CPEB3: variants seen among roughly 807,000 people sequenced by gnomAD.
The protein encoded by CPEB3 is cytoplasmic polyadenylation element-binding protein 3.
A neutral mutation model predicts 67.2 loss-of-function variants in CPEB3; 20 were observed. That is an observed-to-expected ratio of 0.30 (90% confidence interval 0.21 to 0.43). The LOEUF (loss-of-function observed/expected upper bound fraction) is 0.43, where lower values mean the gene tolerates loss of function less well. Ranked by LOEUF, CPEB3 falls within the 20% of genes least tolerant of loss-of-function variation. The probability of loss-of-function intolerance (pLI) is 1.00; values close to 1 mark genes in which losing one functional copy is unlikely to be tolerated. For missense variants in CPEB3, 746 were observed against 968.6 expected (o/e 0.77, Z 3.05); for synonymous variants, 376 against 393.1 (o/e 0.96, Z 0.51).
chr10:92,240,289 C>T lies in CPEB3; in HGVS notation c.62G>A (p.Arg21Gln), dbSNP rs552534752. 1.3e-6 allele frequency: 2 copies of T among 1,514,886 alleles called. No individual in the cohort carries two copies. 93.8% of individuals were successfully genotyped at this position (1,514,886 alleles called of 1,614,324 possible). Reference sequence around the variant, plus strand: ...CTCAGGTTGGGGCTGCTGCTGCTGCCGCTGCTGCTGCTGGGGCTGGGGCTG... The same window carrying T: ...CTCAGGTTGGGGCTGCTGCTGCTGCTGCTGCTGCTGCTGGGGCTGGGGCTG... ...KTQPQPQQQQ[R>Q]QQQQPQPESS... Residue 21 changes from arginine to glutamine, a missense_variant, in exon 2 of 10, where the codon CGG (arginine) becomes CAG (glutamine). By Grantham distance (43) the Arg-to-Gln change is conservative (BLOSUM62 1). Around this residue, in one of 2 missense-constraint regions of CPEB3, gnomAD observed 643 missense variants for 717.5 expected, o/e 0.90. Transcript: ENST00000265997.
intron 9 of CPEB3, among the ~76,000 whole-genome samples, chr10:92,065,049 C>A (rs558883908): frequency 6.6e-6 from 1 of 152,234 alleles, no homozygotes; most frequent in African/African-American, 2.4e-5. Context: ...GCTGTTGATA[C>A]AACATTTTCA....
intron 1 of CPEB3, among the ~76,000 whole-genome samples, chr10:92,271,006 G>A (rs1264534365): frequency 3.3e-5 from 5 of 152,040 alleles, no homozygotes; most frequent in African/African-American, 1.2e-4. Context: ...GTGAAACCTC[G>A]TCTCTACTAA....
intron 3 of CPEB3, among the ~76,000 whole-genome samples, chr10:92,187,417 C>G (rs1447935958): frequency 2.0e-5 from 3 of 152,130 alleles, no homozygotes; most frequent in African/African-American, 4.8e-5. Flanking sequence ...AGGCACGAAC[C>G]CCAGATAGTC....
chr10:92,255,035 C>T (rs1157817488), intron 1 of CPEB3, among the ~76,000 whole-genome samples: 1 of 152,048 alleles, frequency 6.6e-6, no homozygotes, highest in Non-Finnish European at 1.5e-5. Context: ...TAAGAGAATA[C>T]TGAGGCTATT....
chr10:92,261,112 T>A (rs1852779322), intron 1 of CPEB3, among the ~76,000 whole-genome samples: 1 of 151,978 alleles, frequency 6.6e-6, no homozygotes, highest in Admixed American at 6.6e-5. Context: ...AGGGCAATAG[T>A]CAATATGTCT....
intron 1 of CPEB3, among the ~76,000 whole-genome samples, chr10:92,252,219 A>G (rs1389076729): frequency 6.6e-6 from 1 of 152,208 alleles, no homozygotes; most frequent in Non-Finnish European, 1.5e-5. Flanking sequence ...AAACAAAAAA[A>G]GGCAGAATAA....
chr10:92,116,593 C>T (rs1162832862), intron 6 of CPEB3, among the ~76,000 whole-genome samples: 1 of 152,000 alleles, frequency 6.6e-6, no homozygotes, highest in African/African-American at 2.4e-5. Flanking sequence ...TCAACTTCCT[C>T]TGCTCTCTCT....
At chr10:92,151,686 C>A (rs1284340453) in intron 4 of CPEB3, among the ~76,000 whole-genome samples, 1 of 152,148 alleles carries the variant, frequency 6.6e-6, no homozygotes, top group Admixed American at 6.5e-5. Context: ...CTTATTCTCT[C>A]CCAGTCCCAT....
At chr10:92,256,473 C>T (rs1003950257) in intron 1 of CPEB3, among the ~76,000 whole-genome samples, 1 of 151,784 alleles carries the variant, frequency 6.6e-6, no homozygotes, top group Non-Finnish European at 1.5e-5. Flanking sequence ...ACTGCAACCT[C>T]CGCCTCCTGG....
At chr10:92,290,193 T>C (rs1177790418) in intron 1 of CPEB3, among the ~76,000 whole-genome samples, 1 of 152,038 alleles carries the variant, frequency 6.6e-6, no homozygotes, top group African/African-American at 2.4e-5. Flanking sequence ...ACTACCAGCG[T>C]CCTACCAATC....
intron 9 of CPEB3, among the ~76,000 whole-genome samples, chr10:92,071,806 T>C (rs1842765161): frequency 6.6e-6 from 1 of 151,912 alleles, no homozygotes; most frequent in Non-Finnish European, 1.5e-5. Flanking sequence ...CATAAAAGAA[T>C]TACCCATTTT....
chr10:92,202,633 T>C (rs78598563), intron 2 of CPEB3, among the ~76,000 whole-genome samples: 2,847 of 151,794 alleles, frequency 0.019, 76 homozygotes, highest in African/African-American at 0.064. Flanking sequence ...AAATTACATA[T>C]GATATTTCAT....
At chr10:92,217,758 G>A (rs567210842) in intron 2 of CPEB3, among the ~76,000 whole-genome samples, 13 of 151,938 alleles carry the variant, frequency 8.6e-5, no homozygotes, top group South Asian at 4.1e-4. Context: ...GCAAAACTGC[G>A]CCTCAAAAAA....
chr10:92,218,928 C>CCTATA (rs1316439019), intron 2 of CPEB3, among the ~76,000 whole-genome samples: 1 of 152,000 alleles, frequency 6.6e-6, no homozygotes, highest in Non-Finnish European at 1.5e-5. Context: ...TGAACATAGA[C>CCTATA]CTATAGTGCA....
intron 1 of CPEB3, among the ~76,000 whole-genome samples, chr10:92,257,639 T>C (rs1028560472): frequency 2.6e-5 from 4 of 152,056 alleles, no homozygotes; most frequent in Non-Finnish European, 5.9e-5. Context: ...CACTAGAAAT[T>C]AGCTTCTACA....
intron 2 of CPEB3, among the ~76,000 whole-genome samples, chr10:92,198,647 T>A (rs896449798): frequency 6.6e-6 from 1 of 152,246 alleles, no homozygotes; most frequent in Non-Finnish European, 1.5e-5. Flanking sequence ...AAATTAACCA[T>A]GTGCTAGGCA....
At chr10:92,206,133 G>A (rs1479122116) in intron 2 of CPEB3, among the ~76,000 whole-genome samples, 9 of 150,002 alleles carry the variant, frequency 6.0e-5, no homozygotes, top group East Asian at 2.0e-4. Flanking sequence ...GTGCAATGGC[G>A]CAATCTCGGC....
intron 4 of CPEB3, among the ~76,000 whole-genome samples, chr10:92,179,305 T>C (rs992894753): frequency 6.6e-6 from 1 of 152,006 alleles, no homozygotes; most frequent in Non-Finnish European, 1.5e-5. Flanking sequence ...GAATAAAAAG[T>C]TTTTAAAAAG....
At chr10:92,066,944 G>A (rs1842571320) in intron 9 of CPEB3, among the ~76,000 whole-genome samples, 1 of 151,960 alleles carries the variant, frequency 6.6e-6, no homozygotes. Context: ...AGCTACTTGG[G>A]AGGCTGAGGC....
Sources: allele counts gnomAD v4.1 joint callset (sites outside exome capture counted in the v4.1 genomes callset), GRCh38; gene constraint gnomAD v4.1.1; regional missense constraint gnomAD v4.1.1; transcripts MANE v1.5; gene names NCBI Gene and HGNC (gene_info 2026-07-23, HGNC 2026-07-21).